Variants in STK31 observed in about 807,000 individuals in gnomAD.
The protein encoded by STK31 is serine/threonine-protein kinase 31.
In STK31, 89 loss-of-function variants were observed where a neutral mutation model predicts 129.7. The ratio of observed to expected loss-of-function variants is 0.69; its 90% CI spans 0.58 to 0.82. The LOEUF (loss-of-function observed/expected upper bound fraction) is 0.82, where lower values mean the gene tolerates loss of function less well. Ranked by LOEUF, STK31 falls within the 40% of genes least tolerant of loss-of-function variation. STK31 has a pLI of 0.00. For synonymous variants in STK31, 448 were observed against 395.3 expected (o/e 1.13, Z -1.58); for missense variants, 1,187 against 1,176.4 (o/e 1.01, Z -0.13).
chr7:23,811,239 T>G, intron 22 of STK31: 1 of 320,802 alleles, frequency 3.1e-6, no homozygotes, highest in South Asian at 3.5e-5. Flanking sequence ...CCATCTAGAT[T>G]GATGTTTTCA....
At chr7:23,729,000 C>A in intron 5 of STK31, 91 bp from the exon 6 acceptor site, 1 of 1,124,066 alleles carries the variant, frequency 8.9e-7, no homozygotes, top group Non-Finnish European at 1.2e-6. Flanking sequence ...TTTTGATATA[C>A]AGGTCATTAA....
rs186350811 is a variant in STK31 at position 23,767,455 on chromosome 7, A to G, written c.1417-1540A>G. Reference sequence around the variant, plus strand: ...TAAGGGTCTAGCTTCTGATGTTGCCATCTGGGATTATCTACTTCCTCTTTG... The same window carrying G: ...TAAGGGTCTAGCTTCTGATGTTGCCGTCTGGGATTATCTACTTCCTCTTTG... On this transcript the variant is annotated intron_variant, in intron 11 of 23. Coordinates refer to ENST00000355870, the MANE Select transcript of STK31 (RefSeq NM_031414.5). Among the ~76,000 whole-genome samples, 11 of 152,310 alleles carry G rather than the reference A, an allele frequency of 7.2e-5. No individual in the cohort carries two copies. The East Asian group carries it at 2.1e-3, about 29-fold the overall frequency.
At chr7:23,736,124 C>T (rs1787703012) in intron 7 of STK31, among the ~76,000 whole-genome samples, 1 of 152,162 alleles carries the variant, frequency 6.6e-6, no homozygotes, top group Admixed American at 6.5e-5. Context: ...TTAAAGTTTA[C>T]ATACCAACTT....
intron 16 of STK31, among the ~76,000 whole-genome samples, chr7:23,781,905 A>G (rs567301839): frequency 6.6e-6 from 1 of 152,304 alleles, no homozygotes; most frequent in South Asian, 2.1e-4. Context: ...CATAAAACCT[A>G]AAGACCTTTT....
chr7:23,787,577 C>G (rs1208765515), intron 20 of STK31, among the ~76,000 whole-genome samples: 2 of 152,028 alleles, frequency 1.3e-5, no homozygotes, highest in Non-Finnish European at 2.9e-5. Flanking sequence ...AGCATAAACT[C>G]TATTGTGAAC....
intron 3 of STK31, among the ~76,000 whole-genome samples, chr7:23,713,215 T>C (rs554444631): frequency 2.6e-5 from 4 of 152,318 alleles, no homozygotes; most frequent in South Asian, 2.1e-4. Context: ...GTTACTGTAC[T>C]GAATGCTGCA....
chr7:23,802,340 C>T (rs565633010), intron 22 of STK31, among the ~76,000 whole-genome samples: 2 of 152,154 alleles, frequency 1.3e-5, no homozygotes, highest in Admixed American at 1.3e-4. Context: ...TTCCAACGAC[C>T]TCCCGCTGTG....
chr7:23,801,995 GCTAT>G (rs1792402750), intron 22 of STK31, among the ~76,000 whole-genome samples: 2 of 152,184 alleles, frequency 1.3e-5, no homozygotes, highest in East Asian at 1.9e-4. Context: ...TAGCTATTCA[GCTAT>G]CTTTCCTTTT....
intron 4 of STK31, chr7:23,722,000 T>G (rs1210119281): frequency 5.1e-6 from 1 of 195,894 alleles, no homozygotes; most frequent in East Asian, 1.6e-4. Context: ...GTTTTTAGCT[T>G]CTTTGCAGTG....
intron 8 of STK31, among the ~76,000 whole-genome samples, chr7:23,740,212 G>A (rs920640973): frequency 2.0e-5 from 3 of 152,100 alleles, no homozygotes; most frequent in Non-Finnish European, 4.4e-5. Flanking sequence ...GAGTTGCTGG[G>A]ACTACAGGCG....
At chr7:23,793,693 A>G (rs1243106845) in intron 22 of STK31, among the ~76,000 whole-genome samples, 1 of 152,192 alleles carries the variant, frequency 6.6e-6, no homozygotes, top group African/African-American at 2.4e-5. Flanking sequence ...AGATACCACT[A>G]TACTACTCAC....
chr7:23,787,019 A>T, intron 20 of STK31, 95 bp downstream of exon 20: 1 of 1,262,392 alleles, frequency 7.9e-7, no homozygotes, highest in Non-Finnish European at 1.1e-6. Context: ...TGTATTTTGT[A>T]AAATTTTGAC....
At chr7:23,797,362 G>A (rs970301763) in intron 22 of STK31, among the ~76,000 whole-genome samples, 2 of 151,916 alleles carry the variant, frequency 1.3e-5, no homozygotes, top group Non-Finnish European at 2.9e-5. Context: ...CACATTATTG[G>A]AAGTAAAACA....
chr7:23,710,972 C>A (rs1169063335), intron 1 of STK31, among the ~76,000 whole-genome samples: 1 of 151,986 alleles, frequency 6.6e-6, no homozygotes, highest in Non-Finnish European at 1.5e-5. Flanking sequence ...AGAAAAGAAC[C>A]CTTGCTTTGG....
chr7:23,770,532 G>A (rs530281509), intron 13 of STK31, among the ~76,000 whole-genome samples: 2 of 152,228 alleles, frequency 1.3e-5, no homozygotes, highest in African/African-American at 2.4e-5. Flanking sequence ...TAGCATATTA[G>A]TATCCCTGAT....
At chr7:23,787,741 TACACACACACACACACACACACAC>T (rs71888376) in intron 20 of STK31, among the ~76,000 whole-genome samples, 3 of 145,640 alleles carry the variant, frequency 2.1e-5, no homozygotes, top group Non-Finnish European at 3.0e-5. Flanking sequence ...GGTATGATTG[TACACACACACACACACACACACAC>T]ACACACACAC....
chr7:23,772,821 A>G (rs185825000), intron 15 of STK31, among the ~76,000 whole-genome samples: 111 of 152,284 alleles, frequency 7.3e-4, no homozygotes, highest in Admixed American at 5.6e-3. Flanking sequence ...TGTGAATAAG[A>G]TAGTAAACTT....
At chr7:23,736,433 C>G (rs1189473368) in intron 7 of STK31, among the ~76,000 whole-genome samples, 1 of 151,450 alleles carries the variant, frequency 6.6e-6, no homozygotes, top group Non-Finnish European at 1.5e-5. Flanking sequence ...TCAAAACAGT[C>G]TTCTATATCA....
chr7:23,721,524 T>C, intron 4 of STK31: 1 of 971,326 alleles, frequency 1.0e-6, no homozygotes, highest in Non-Finnish European at 1.7e-6. Context: ...TATGTGTTAG[T>C]TCTCTGTTTA....
Sources: allele counts gnomAD v4.1 joint callset (sites outside exome capture counted in the v4.1 genomes callset), GRCh38; gene constraint gnomAD v4.1.1; transcripts MANE v1.5; gene names NCBI Gene and HGNC (gene_info 2026-07-23, HGNC 2026-07-21).